The following FMN1 variants were observed in gnomAD, a reference collection of about 807,000 sequenced individuals.
FMN1 encodes the protein formin-1.
Under a neutral mutation model 132.4 loss-of-function variants are expected in FMN1, and 110 were observed. That is an observed-to-expected ratio of 0.83 (90% CI 0.71 to 0.97). FMN1 has a LOEUF of 0.97. Among genes scored for constraint, FMN1 ranks in the 50% least tolerant of loss-of-function variants. The pLI is 0.00. For missense variants in FMN1, 1,792 were observed against 1,705.3 expected (o/e 1.05, Z -0.90); for synonymous variants, 722 against 651.7 (o/e 1.11, Z -1.64).
chr15:33,140,193 A>AACACACACAC (rs61485667), intron 4 of FMN1, among the ~76,000 whole-genome samples: 4,850 of 142,860 alleles, frequency 0.034, 96 homozygotes, highest in East Asian at 0.052. Context: ...CCTATGGTTA[A>AACACACACAC]ACACACACAC....
At chr15:33,083,418 G>A (rs903519819) in intron 5 of FMN1, among the ~76,000 whole-genome samples, 1 of 152,142 alleles carries the variant, frequency 6.6e-6, no homozygotes, top group Non-Finnish European at 1.5e-5. Context: ...TGGTTGCCAA[G>A]GGAACCTTGT....
chr15:32,950,054 C>CATATATATAT (rs1226548479), intron 9 of FMN1, among the ~76,000 whole-genome samples: 10 of 4,922 alleles, frequency 2.0e-3, no homozygotes, highest in Admixed American at 0.013. Context: ...TATATATACA[C>CATATATATAT]ATATATATAT....
chr15:32,897,410 T>C (rs1187856844), intron 15 of FMN1, among the ~76,000 whole-genome samples: 1 of 152,174 alleles, frequency 6.6e-6, no homozygotes, highest in Non-Finnish European at 1.5e-5. Context: ...TCCCAAAAAA[T>C]CTTTAAATTT....
At chr15:32,906,744 G>A (rs925463922) in intron 12 of FMN1, among the ~76,000 whole-genome samples, 13 of 152,282 alleles carry the variant, frequency 8.5e-5, no homozygotes, top group African/African-American at 3.1e-4. Flanking sequence ...AATATGACTT[G>A]GAAATAAACT....
intron 6 of FMN1, among the ~76,000 whole-genome samples, chr15:33,058,086 G>A (rs1031551077): frequency 6.6e-6 from 1 of 151,990 alleles, no homozygotes; most frequent in Admixed American, 6.6e-5. Flanking sequence ...AAGGTGTGAT[G>A]GGGGTGCTGG....
chr15:32,926,532 T>C (rs2060965999), intron 9 of FMN1, among the ~76,000 whole-genome samples: 1 of 152,240 alleles, frequency 6.6e-6, no homozygotes, highest in Non-Finnish European at 1.5e-5. Flanking sequence ...GTGATCATTT[T>C]ACTCAAGTAC....
chr15:33,071,581 A>T (rs368493959), intron 5 of FMN1, among the ~76,000 whole-genome samples: 116 of 152,328 alleles, frequency 7.6e-4, no homozygotes, highest in African/African-American at 2.7e-3. Context: ...GTAACCAAGG[A>T]CTTTATCCCC....
chr15:33,112,359 G>A lies in FMN1; in HGVS notation c.1868-23385C>T, dbSNP rs150777409. Reference sequence around the variant, plus strand: ...ATTTAAAAACACCTATCTCTATGAAGAGTTGAGGTGGTTGGATTATAGAAG... The same window carrying A: ...ATTTAAAAACACCTATCTCTATGAAAAGTTGAGGTGGTTGGATTATAGAAG... On this transcript the variant is annotated intron_variant, in intron 4 of 20. Coordinates refer to ENST00000616417, the MANE Select transcript of FMN1 (RefSeq NM_001277313.2). 3.5e-4 allele frequency among the ~76,000 whole-genome samples: 53 copies of A among 152,204 alleles called. 2 individuals are homozygous for A. In the East Asian group the frequency reaches 8.1e-3, roughly 23 times the overall value.
chr15:32,779,231 T>C (rs1189133191), intron 19 of FMN1, among the ~76,000 whole-genome samples: 1 of 152,210 alleles, frequency 6.6e-6, no homozygotes, highest in Non-Finnish European at 1.5e-5. Context: ...TAGACCCTTG[T>C]GAACATACTA....
intron 16 of FMN1, among the ~76,000 whole-genome samples, chr15:32,887,329 C>T (rs1030692972): frequency 2.0e-4 from 31 of 152,242 alleles, no homozygotes; most frequent in Non-Finnish European, 1.5e-4. Context: ...CTAAATCCTC[C>T]GCAGAGCTCT....
At chr15:32,855,002 G>C in intron 17 of FMN1, among the ~76,000 whole-genome samples, 1 of 151,678 alleles carries the variant, frequency 6.6e-6, no homozygotes, top group South Asian at 2.1e-4. Context: ...TTGGGACAGA[G>C]TGTAGGAGTA....
At chr15:33,181,643 T>C (rs1965704039) in intron 2 of FMN1, among the ~76,000 whole-genome samples, 1 of 152,166 alleles carries the variant, frequency 6.6e-6, no homozygotes, top group African/African-American at 2.4e-5. Context: ...TGGAAAGTTA[T>C]TGGAGAGTTT....
chr15:32,907,118 G>A (rs1201609739), intron 12 of FMN1, among the ~76,000 whole-genome samples: 2 of 152,180 alleles, frequency 1.3e-5, no homozygotes, highest in African/African-American at 4.8e-5. Flanking sequence ...TTTTTCCACA[G>A]GCCAGGGGTT....
intron 17 of FMN1, among the ~76,000 whole-genome samples, chr15:32,851,012 C>G (rs768493884): frequency 2.0e-5 from 3 of 151,760 alleles, no homozygotes; most frequent in African/African-American, 4.9e-5. Context: ...GAGCCAAGAT[C>G]GCGCCACTGC....
intron 16 of FMN1, among the ~76,000 whole-genome samples, chr15:32,857,481 C>A (rs1209861920): frequency 1.3e-5 from 2 of 152,108 alleles, no homozygotes; most frequent in Non-Finnish European, 2.9e-5. Context: ...CCTCAGCCCT[C>A]CTCAGATTCA....
At chr15:33,005,997 T>C (rs1414136023) in intron 7 of FMN1, among the ~76,000 whole-genome samples, 1 of 152,206 alleles carries the variant, frequency 6.6e-6, no homozygotes, top group African/African-American at 2.4e-5. Context: ...TAAACTCTGC[T>C]GGATGGGTAG....
At chr15:32,949,960 T>TAC (rs1391169154) in intron 9 of FMN1, among the ~76,000 whole-genome samples, 1 of 48,194 alleles carries the variant, frequency 2.1e-5, no homozygotes, top group Non-Finnish European at 3.6e-5. Flanking sequence ...TATATATATA[T>TAC]ATATACACAC....
chr15:33,052,558 T>C (rs1263671086), intron 6 of FMN1, among the ~76,000 whole-genome samples: 1 of 152,176 alleles, frequency 6.6e-6, no homozygotes, highest in African/African-American at 2.4e-5. Flanking sequence ...TTCAATTCAA[T>C]TCAATTCAAT....
At position 32,962,037 on chromosome 15, in the gene FMN1, C is replaced by G. The variant is rs987228456; in HGVS notation, c.3138+2070G>C. On this transcript the variant is annotated intron_variant, in intron 9 of 20. Coordinates refer to ENST00000616417, the MANE Select transcript of FMN1 (RefSeq NM_001277313.2). ...CCTACTAAAGTCGACCCTCCTTCCC[C>G]TGCACTACTATGTGATTGACAGGGT... 4.6e-5 allele frequency among the ~76,000 whole-genome samples: 7 copies of G among 152,276 alleles called. No homozygotes were observed. The South Asian group carries it at 1.5e-3, about 32-fold the overall frequency.
Sources: gnomAD v4.1 joint callset for allele counts (sites outside exome capture counted in the v4.1 genomes callset) on GRCh38, gnomAD v4.1.1 for gene constraint, MANE v1.5 for transcripts, NCBI Gene and HGNC (gene_info 2026-07-23, HGNC 2026-07-21) for gene names.